The following POLN variants were observed in gnomAD, a reference collection of about 807,000 sequenced individuals.
The protein encoded by POLN is DNA polymerase nu, also known as DNA polymerase N.
Under a neutral mutation model 113.5 loss-of-function variants are expected in POLN, and 108 were observed. The observed-to-expected ratio is 0.95, with a 90% confidence interval of 0.81 to 1.12. The LOEUF is 1.12. Ranked by LOEUF, POLN falls within the 50% of genes most tolerant of loss-of-function variation. POLN has a pLI of 0.00. For synonymous variants in POLN, 386 were observed against 391.5 expected (o/e 0.99, Z 0.17); for missense variants, 1,097 against 1,077.1 (o/e 1.02, Z -0.26).
At chr4:2,113,110 A>G (rs1263174166) in intron 19 of POLN, among the ~76,000 whole-genome samples, 1 of 151,744 alleles carries the variant, frequency 6.6e-6, no homozygotes, top group Admixed American at 6.6e-5. Context: ...GCTGGAAACC[A>G]TCATTCTCAG....
At chr4:2,108,329 C>G (rs1487140269) in intron 19 of POLN, among the ~76,000 whole-genome samples, 1 of 151,944 alleles carries the variant, frequency 6.6e-6, no homozygotes, top group Admixed American at 6.5e-5. Context: ...GGCCCCAGGC[C>G]TCAGTTTCCT....
intron 17 of POLN, among the ~76,000 whole-genome samples, chr4:2,130,771 T>C (rs889914552): frequency 2.0e-5 from 3 of 152,226 alleles, no homozygotes; most frequent in Admixed American, 6.5e-5. Context: ...CATATCACTT[T>C]AGCTGTTTTT....
intron 20 of POLN, among the ~76,000 whole-genome samples, chr4:2,087,062 T>C (rs1024932865): frequency 1.3e-5 from 2 of 152,052 alleles, no homozygotes; most frequent in Non-Finnish European, 2.9e-5. Flanking sequence ...AAAAGGCAGG[T>C]GTTTGCTTCC....
intron 7 of POLN, among the ~76,000 whole-genome samples, chr4:2,182,800 A>T (rs1733175758): frequency 1.3e-5 from 2 of 149,948 alleles, no homozygotes; most frequent in South Asian, 4.2e-4. Context: ...ATAACAAAAG[A>T]AAACACAAAT....
At chr4:2,240,097 A>T (rs764201981) in intron 2 of POLN, 3 of 1,614,068 alleles carry the variant, frequency 1.9e-6, no homozygotes, top group Non-Finnish European at 2.5e-6. Context: ...TTCATGCTCG[A>T]ATTACTTGCT....
At chr4:2,113,230 C>G (rs1731239418) in intron 19 of POLN, among the ~76,000 whole-genome samples, 1 of 103,852 alleles carries the variant, frequency 9.6e-6, no homozygotes, top group Non-Finnish European at 1.8e-5. Flanking sequence ...ACACCGGGGA[C>G]TGTTGCAGGG....
rs769967049 is a variant in POLN at position 2,198,548 on chromosome 4, T to C, written c.884A>G (p.Gln295Arg). 1 of 1,611,576 alleles carries C rather than the reference T, an allele frequency of 6.2e-7. No individual in the cohort carries two copies. The highest frequency in any genetic ancestry group is 8.5e-7 in the Non-Finnish European group (1 of 1,178,832). Reference sequence around the variant, plus strand: ...CCGGGCAAATTGTTGATGTGCCTCCTGTTCTTGGTCCCAGATAGCAGAGTG... The same window carrying C: ...CCGGGCAAATTGTTGATGTGCCTCCCGTTCTTGGTCCCAGATAGCAGAGTG... ...IEHSAIWDQE[Q>R]EAHQQFARNV... The change falls in exon 6 of 26, where the codon CAG becomes CGG. Residue 295 changes from glutamine to arginine, a missense_variant. Coordinates refer to ENST00000511885, the MANE Select transcript of POLN (RefSeq NM_181808.4).
At chr4:2,182,528 A>C (rs1307082599) in intron 7 of POLN, among the ~76,000 whole-genome samples, 1 of 152,188 alleles carries the variant, frequency 6.6e-6, no homozygotes, top group Non-Finnish European at 1.5e-5. Context: ...AGGAACTGCC[A>C]ACACCTTAAT....
Position 2,179,472 on chromosome 4 carries a change from A to AG in POLN, c.1022-8dup, listed in dbSNP as rs775783974. ...AGCCCTATAAAATCAGCAACTGAAG[A>AG]GAAAAAGGTCATTCAGTCATCCCAA... On this transcript the variant is annotated splice_polypyrimidine_tract_variant and splice_region_variant and intron_variant, in intron 7 of 25. Transcript: ENST00000511885. 6.2e-7 allele frequency: 1 copy of AG among 1,611,990 alleles called. No individual in the cohort carries two copies. The highest frequency in any genetic ancestry group is 8.5e-7 in the Non-Finnish European group (1 of 1,179,252).
At chr4:2,177,693 G>T (rs1339677758) in intron 8 of POLN, among the ~76,000 whole-genome samples, 2 of 152,254 alleles carry the variant, frequency 1.3e-5, no homozygotes, top group Non-Finnish European at 2.9e-5. Flanking sequence ...ATAATTCTGA[G>T]ATGGACAACT....
chr4:2,161,603 T>A (rs973176155), intron 13 of POLN, among the ~76,000 whole-genome samples: 3 of 152,208 alleles, frequency 2.0e-5, no homozygotes, highest in Non-Finnish European at 4.4e-5. Context: ...CGCCGCCCCC[T>A]GCTCCATGGC....
intron 20 of POLN, among the ~76,000 whole-genome samples, chr4:2,087,533 G>C (rs974549366): frequency 5.3e-5 from 8 of 152,156 alleles, no homozygotes; most frequent in African/African-American, 9.7e-5. Context: ...TGGATATATA[G>C]TTTTCAGTTC....
chr4:2,075,611 G>T, intron 23 of POLN, 92 bp from the exon 24 acceptor site: 2 of 1,392,396 alleles, frequency 1.4e-6, no homozygotes, highest in African/African-American at 1.4e-5. Context: ...AACCTGGGAG[G>T]CCAGGACTGT....
intron 16 of POLN, among the ~76,000 whole-genome samples, chr4:2,151,766 A>T (rs538735169): frequency 2.6e-5 from 4 of 152,330 alleles, no homozygotes; most frequent in Non-Finnish European, 5.9e-5. Flanking sequence ...GAAACTGCAA[A>T]CGAATCGATA....
intron 2 of POLN, chr4:2,231,776 T>G (rs889122360): frequency 1.9e-6 from 1 of 540,500 alleles, no homozygotes; most frequent in Non-Finnish European, 3.3e-6. Context: ...ATGTACTACA[T>G]GAGAAAAAAG....
chr4:2,097,637 C>T (rs896567856), intron 19 of POLN, among the ~76,000 whole-genome samples: 12 of 147,038 alleles, frequency 8.2e-5, no homozygotes, highest in African/African-American at 1.5e-4. Flanking sequence ...CGTGAGCCAC[C>T]GCACCAGGCT....
At chr4:2,182,066 C>T (rs140982177) in intron 7 of POLN, among the ~76,000 whole-genome samples, 29 of 151,608 alleles carry the variant, frequency 1.9e-4, no homozygotes, top group Middle Eastern at 3.5e-3. Flanking sequence ...AGCGTAGTAT[C>T]GACACAGAAT....
intron 7 of POLN, among the ~76,000 whole-genome samples, chr4:2,180,016 T>G (rs985709480): frequency 7.2e-5 from 11 of 152,178 alleles, no homozygotes; most frequent in African/African-American, 2.7e-4. Context: ...CAAAGATACT[T>G]TGGCATTCTC....
intron 19 of POLN, among the ~76,000 whole-genome samples, chr4:2,105,302 C>G (rs1407486263): frequency 1.3e-5 from 2 of 152,106 alleles, no homozygotes; most frequent in Admixed American, 6.6e-5. Flanking sequence ...CCCTGGCCAT[C>G]ATCTGGATGG....
Sources: allele counts gnomAD v4.1 joint callset (sites outside exome capture counted in the v4.1 genomes callset), GRCh38; gene constraint gnomAD v4.1.1; transcripts MANE v1.5; gene names NCBI Gene and HGNC (gene_info 2026-07-23, HGNC 2026-07-21).